The following PKD2L1 variants were observed in gnomAD, a reference collection of about 807,000 sequenced individuals.
The protein encoded by PKD2L1 is polycystin-2-like protein 1.
A neutral mutation model predicts 93.0 loss-of-function variants in PKD2L1; 77 were observed. The ratio of observed to expected loss-of-function variants is 0.83; its 90% CI spans 0.69 to 1.00. PKD2L1 has a LOEUF of 1.00. PKD2L1 is among the 50% of genes least tolerant of loss of function. The pLI is 0.00. For synonymous variants in PKD2L1, 390 were observed against 388.0 expected (o/e 1.01, Z -0.06); for missense variants, 977 against 990.9 (o/e 0.99, Z 0.19).
At chr10:100,299,000 T>G (rs1292548691) in intron 3 of PKD2L1, among the ~76,000 whole-genome samples, 185 bp from the exon 4 acceptor site, 3 of 151,060 alleles carry the variant, frequency 2.0e-5, no homozygotes, top group Non-Finnish European at 4.4e-5. Flanking sequence ...CAGGCTGGAG[T>G]GCAGTGACAC....
In PKD2L1 at chr10:100,294,566, G is replaced by T. The variant is rs1425708379; in HGVS notation, c.1628C>A (p.Thr543Asn). ...CACGAAGAAGACGAAGAAGACATAG[G>T]TGACAAAGTAGGCAGGGCCCAGGAT... ...NRILGPAYFV[T>N]YVFFVFFVLL... Residue 543 changes from threonine (T) to asparagine (N), a missense_variant, in exon 9 of 16, where the codon ACC becomes AAC. Physicochemically the swap from Thr to Asn is moderately conservative, Grantham distance 65. Coordinates refer to ENST00000318222, the MANE Select transcript of PKD2L1 (RefSeq NM_016112.3). 6.8e-6 allele frequency: 11 copies of T among 1,614,098 alleles called. No individual in the cohort carries two copies. The highest frequency in any genetic ancestry group is 9.3e-6 in the Non-Finnish European group (11 of 1,180,006).
chr10:100,294,936 AC>A lies in PKD2L1; in HGVS notation c.1538+5del. On this transcript the variant is annotated splice_donor_5th_base_variant and intron_variant, in intron 8 of 15. Coordinates refer to ENST00000318222, the MANE Select transcript of PKD2L1 (RefSeq NM_016112.3). ...CAGGGAGGAGTGAAGGGGACAGGACACACACATGCACTTGATGAAAGTGCTA... is the reference window on the plus strand; with the variant it reads ...CAGGGAGGAGTGAAGGGGACAGGACAACACATGCACTTGATGAAAGTGCTA... 6.2e-7 allele frequency: 1 copy of A among 1,610,510 alleles called. No individual in the cohort carries two copies. Among genetic ancestry groups the A allele is most frequent in the South Asian group, 1.1e-5 (1 of 90,646 alleles).
intron 2 of PKD2L1, among the ~76,000 whole-genome samples, chr10:100,305,899 G>A (rs1848788292): frequency 1.3e-5 from 2 of 152,062 alleles, no homozygotes; most frequent in East Asian, 3.9e-4. Flanking sequence ...AACACAAATT[G>A]CTGGCCAAGT....
At position 100,322,900 on chromosome 10, in the gene PKD2L1, T is replaced by G. The variant is rs182321582; in HGVS notation, c.349+6311A>C. On this transcript the variant is annotated intron_variant, in intron 2 of 15. Coordinates refer to ENST00000318222, the MANE Select transcript of PKD2L1 (RefSeq NM_016112.3). ...CTCTTTCTTCACTTGCTTGCATGAGTGGCCTTGAGCAAGCTGTTTGACTTT... is the reference window on the plus strand; with the variant it reads ...CTCTTTCTTCACTTGCTTGCATGAGGGGCCTTGAGCAAGCTGTTTGACTTT... Among the ~76,000 whole-genome samples the G allele has an allele frequency of 6.9e-3, 1,047 of 152,334 alleles. 16 individuals are homozygous for G. The highest frequency in any genetic ancestry group is 0.024 in the African/African-American group (996 of 41,560).
At chr10:100,319,884 C>G (rs1051809908) in intron 2 of PKD2L1, among the ~76,000 whole-genome samples, 2 of 152,212 alleles carry the variant, frequency 1.3e-5, no homozygotes, top group Admixed American at 1.3e-4. Flanking sequence ...AAACAAACAG[C>G]CATTATTTCT....
At chr10:100,309,561 C>T (rs746614715) in intron 2 of PKD2L1, among the ~76,000 whole-genome samples, 10 of 152,144 alleles carry the variant, frequency 6.6e-5, no homozygotes, top group African/African-American at 2.4e-4. Context: ...TGGATCATCT[C>T]ACATATGTTG....
At chr10:100,310,428 A>G (rs2133557830) in intron 2 of PKD2L1, among the ~76,000 whole-genome samples, 1 of 152,312 alleles carries the variant, frequency 6.6e-6, no homozygotes, top group Non-Finnish European at 1.5e-5. Flanking sequence ...TTCTTATCCA[A>G]TATTAAAAGG....
intron 2 of PKD2L1, among the ~76,000 whole-genome samples, chr10:100,306,946 C>T (rs189072017): frequency 6.6e-6 from 1 of 151,584 alleles, no homozygotes; most frequent in African/African-American, 2.4e-5. Flanking sequence ...TTTCCCTCCC[C>T]CTACATCCCC....
chr10:100,296,732 TACACTAAAAAAAAAAA>T (rs1055857172), intron 6 of PKD2L1, among the ~76,000 whole-genome samples: 36 of 149,502 alleles, frequency 2.4e-4, no homozygotes, highest in African/African-American at 8.6e-4. Context: ...CAGAATATAG[TACACTAAAAAAAAAAA>T]ACACAGGGCT....
rs778378664 is a variant in PKD2L1, at chr10:100,288,496, A to G, written c.2336-18T>C. ...GGGAACCTCTGTGGGGGAAAACGAG[A>G]AACCCATGGGTGCTAGCAACAAATC... On this transcript the variant is annotated intron_variant, in intron 15 of 15. Transcript: ENST00000318222. The G allele has an allele frequency of 3.4e-6, 5 of 1,491,172 alleles. No homozygotes were observed. In the South Asian group the frequency reaches 3.4e-5, roughly 10 times the overall value. 92.4% of individuals were successfully genotyped at this position (1,491,172 alleles called of 1,614,324 possible). A position where few individuals can be genotyped will look rare whatever the true frequency, so the allele number is the denominator to read the frequency against.
rs564483417 is a variant in PKD2L1 at position 100,323,100 on chromosome 10, G to C, written c.349+6111C>G. Among the ~76,000 whole-genome samples, 208 of 152,298 alleles carry C rather than the reference G, an allele frequency of 1.4e-3. 1 individual carries two copies. Among genetic ancestry groups the C allele is most frequent in the African/African-American group, 4.7e-3 (197 of 41,566 alleles). The stretch of plus-strand genomic sequence containing the variant: ...AATGATGATGGTGGTGGTGGCGGTT[G>C]TGATAAACTGAGGGCTTCCAGGGAA... On this transcript the variant is annotated intron_variant, in intron 2 of 15. Transcript: ENST00000318222.
At position 100,298,615 on chromosome 10, in the gene PKD2L1, G is replaced by A. The variant is rs1424156253; in HGVS notation, c.678C>T (p.Val226=). 1.9e-6 allele frequency: 3 copies of A among 1,613,984 alleles called. No homozygotes were observed. The highest frequency in any genetic ancestry group is 1.7e-6 in the Non-Finnish European group (2 of 1,179,972). ...FREDILSCYD[V]YSPDKEEQLP... ...GTTGTTCTTCTTTGTCTGGAGAGTA[G>A]ACATCATAGCAGCTCAGAATGTCCT... Residue 226 remains valine (V), a synonymous_variant, in exon 4 of 16, where the codon GTC becomes GTT. Transcript: ENST00000318222.
chr10:100,299,797 G>C (rs909043562), intron 2 of PKD2L1, 79 bp from the exon 3 acceptor site: 25 of 1,329,880 alleles, frequency 1.9e-5, no homozygotes, highest in Non-Finnish European at 2.7e-5. Context: ...CCTGGAGTCA[G>C]AGATGCTTCC....
intron 2 of PKD2L1, among the ~76,000 whole-genome samples, chr10:100,312,758 T>G (rs1011901502): frequency 2.0e-5 from 3 of 152,022 alleles, no homozygotes; most frequent in Non-Finnish European, 4.4e-5. Flanking sequence ...TAAATTCTCA[T>G]GTGGTTTCAG....
chr10:100,301,295 T>C (rs1848668325), intron 2 of PKD2L1, among the ~76,000 whole-genome samples: 1 of 152,188 alleles, frequency 6.6e-6, no homozygotes, highest in South Asian at 2.1e-4. Context: ...ATAAACATCT[T>C]AACAGGGTTC....
intron 10 of PKD2L1, 58 bp downstream of exon 10, chr10:100,293,223 A>C (rs1051703588): frequency 1.8e-5 from 28 of 1,521,476 alleles, no homozygotes; most frequent in Non-Finnish European, 2.6e-5. Context: ...ACCAGGACAC[A>C]GAGCCTTAGA....
At chr10:100,302,088 G>C (rs573839783) in intron 2 of PKD2L1, among the ~76,000 whole-genome samples, 54 of 152,228 alleles carry the variant, frequency 3.5e-4, no homozygotes, top group African/African-American at 1.3e-3. Flanking sequence ...GCCCACTTTG[G>C]CCTCCCAAAG....
chr10:100,300,563 T>G (rs1848652284), intron 2 of PKD2L1, among the ~76,000 whole-genome samples: 2 of 152,186 alleles, frequency 1.3e-5, no homozygotes, highest in Non-Finnish European at 2.9e-5. Context: ...GTCCTTCAAT[T>G]TAAGTTAGTC....
rs1848717068 is a variant in PKD2L1, at chr10:100,302,931, T to A, written c.350-3213A>T. On this transcript the variant is annotated intron_variant, in intron 2 of 15. Coordinates refer to ENST00000318222, the MANE Select transcript of PKD2L1 (RefSeq NM_016112.3). ...TTTGATAAGAGAATATCCTTGTTTT[T>A]TAGAAAATACGTATTGAAGTATTTA... Among the ~76,000 whole-genome samples the A allele has an allele frequency of 3.3e-5, 5 of 152,172 alleles. No homozygotes were observed. In the South Asian group the frequency reaches 1.0e-3, roughly 31 times the overall value.
Sources: allele counts gnomAD v4.1 joint callset (sites outside exome capture counted in the v4.1 genomes callset), GRCh38; gene constraint gnomAD v4.1.1; transcripts MANE v1.5; gene names NCBI Gene and HGNC (gene_info 2026-07-23, HGNC 2026-07-21).